Variants in MED27 observed in about 807,000 individuals in gnomAD.
MED27 encodes the protein mediator complex subunit 27.
Under a neutral mutation model 38.2 loss-of-function variants are expected in MED27, and 30 were observed. The observed-to-expected ratio is 0.79, with a 90% CI of 0.59 to 1.07. The LOEUF is 1.07. Ranked by LOEUF, MED27 falls within the 50% of genes least tolerant of loss-of-function variation. MED27 has a pLI of 0.00. For synonymous variants in MED27, 122 were observed against 153.5 expected, an observed-to-expected ratio of 0.79 and a Z score of 1.52; for missense variants, 289 against 397.5, an observed-to-expected ratio of 0.73 and a Z score of 2.32.
At chr9:132,040,182 G>A (rs772010673) in intron 2 of MED27, among the ~76,000 whole-genome samples, 10 of 152,156 alleles carry the variant, frequency 6.6e-5, no homozygotes, top group Non-Finnish European at 1.3e-4. Flanking sequence ...ATCAGTCCCC[G>A]CATATGGGCT....
intron 2 of MED27, among the ~76,000 whole-genome samples, chr9:132,031,456 G>A (rs1832958556): frequency 6.6e-6 from 1 of 152,152 alleles, no homozygotes. Context: ...TTCTAAAACA[G>A]CAGTCTAAGC....
At position 132,006,807 on chromosome 9, in the gene MED27, C is replaced by A. The variant is rs186327075; in HGVS notation, c.479+7530G>T. 1.6e-4 allele frequency among the ~76,000 whole-genome samples: 25 copies of A among 152,308 alleles called. No homozygotes were observed. The South Asian group carries it at 1.9e-3, about 11-fold the overall frequency. ...TTAAACAGCAATGACGATCACCCCC[C>A]CTTCATGCATCACTATTGCCAAAGA... On this transcript the variant is annotated intron_variant, in intron 3 of 7. Transcript: ENST00000292035.
chr9:131,876,767 C>A (rs940834233), intron 6 of MED27, among the ~76,000 whole-genome samples: 1 of 152,158 alleles, frequency 6.6e-6, no homozygotes, highest in African/African-American at 2.4e-5. Flanking sequence ...CACTAGCGGG[C>A]TCACGCACAA....
intron 4 of MED27, among the ~76,000 whole-genome samples, chr9:131,921,686 A>G (rs1209148463): frequency 6.6e-6 from 1 of 152,188 alleles, no homozygotes; most frequent in Non-Finnish European, 1.5e-5. Flanking sequence ...CATATACCCA[A>G]AGGATTATAA....
At chr9:131,887,510 A>C (rs1839160641) in intron 5 of MED27, among the ~76,000 whole-genome samples, 1 of 152,180 alleles carries the variant, frequency 6.6e-6, no homozygotes, top group African/African-American at 2.4e-5. Context: ...TATGCCAAAG[A>C]AAGCCAGAAA....
At chr9:131,881,800 C>CTTTTTCTTTTTTT (rs1839049270) in intron 6 of MED27, among the ~76,000 whole-genome samples, 1 of 60,964 alleles carries the variant, frequency 1.6e-5, no homozygotes, top group Non-Finnish European at 3.0e-5. Context: ...TCTTCTTCTT[C>CTTTTTCTTTTTTT]TTTTTTTTTT....
At chr9:132,015,045 G>A (rs1360532517) in intron 2 of MED27, among the ~76,000 whole-genome samples, 1 of 152,164 alleles carries the variant, frequency 6.6e-6, no homozygotes, top group Non-Finnish European at 1.5e-5. Context: ...AAAAACCATA[G>A]AATTTGTAGT....
At chr9:132,059,750 A>AT (rs1833659871) in intron 2 of MED27, among the ~76,000 whole-genome samples, 1 of 152,228 alleles carries the variant, frequency 6.6e-6, no homozygotes, top group Non-Finnish European at 1.5e-5. Flanking sequence ...CTGTCTGCTG[A>AT]TTTGTGATAC....
At chr9:131,981,788 CGGCGGCCAA>C (rs1362173331) in intron 3 of MED27, among the ~76,000 whole-genome samples, 3 of 152,364 alleles carry the variant, frequency 2.0e-5, no homozygotes, top group East Asian at 3.9e-4. Flanking sequence ...AGGGGGCACA[CGGCGGCCAA>C]GGAGGCAACG....
At chr9:131,912,189 G>A (rs1288454942) in intron 4 of MED27, among the ~76,000 whole-genome samples, 1 of 152,174 alleles carries the variant, frequency 6.6e-6, no homozygotes, top group Non-Finnish European at 1.5e-5. Flanking sequence ...TTCATGAAAA[G>A]GGGTCTGTGG....
Position 131,956,437 on chromosome 9 carries a change from G to A in MED27, c.480-16963C>T, listed in dbSNP as rs566108243. 1.1e-4 allele frequency among the ~76,000 whole-genome samples: 17 copies of A among 152,226 alleles called. No homozygotes were observed. The East Asian group carries it at 3.1e-3, about 28-fold the overall frequency. ...CTGAGACCAGCCTGGCCAACATGGC[G>A]AAACCCCATCTCTACTAAAAATACA... On this transcript the variant is annotated intron_variant, in intron 3 of 7. Transcript: ENST00000292035.
intron 4 of MED27, among the ~76,000 whole-genome samples, chr9:131,919,488 C>T (rs1388707493): frequency 6.6e-6 from 1 of 152,006 alleles, no homozygotes; most frequent in Non-Finnish European, 1.5e-5. Flanking sequence ...AAAGTTTGAA[C>T]TCTCAAGTCA....
At chr9:132,037,952 C>T (rs2131113891) in intron 2 of MED27, among the ~76,000 whole-genome samples, 1 of 152,222 alleles carries the variant, frequency 6.6e-6, no homozygotes, top group South Asian at 2.1e-4. Context: ...AATCTCACAT[C>T]CTAGGGTGCG....
chr9:131,924,471 G>A (rs943891819), intron 4 of MED27, among the ~76,000 whole-genome samples: 3 of 152,006 alleles, frequency 2.0e-5, no homozygotes, highest in African/African-American at 7.3e-5. Context: ...TAATTTTAGG[G>A]ATATTAGTCC....
chr9:131,933,950 T>G (rs1055470409), intron 4 of MED27, among the ~76,000 whole-genome samples: 3 of 152,066 alleles, frequency 2.0e-5, no homozygotes, highest in Non-Finnish European at 4.4e-5. Flanking sequence ...TGGAAGACAC[T>G]AGAGAGCCCA....
At chr9:131,979,731 C>G (rs1457273975) in intron 3 of MED27, among the ~76,000 whole-genome samples, 1 of 152,200 alleles carries the variant, frequency 6.6e-6, no homozygotes, top group Non-Finnish European at 1.5e-5. Flanking sequence ...AGGACATCTG[C>G]TCAGTGGCAA....
chr9:131,876,837 C>A (rs961606442), intron 6 of MED27, among the ~76,000 whole-genome samples: 3 of 152,212 alleles, frequency 2.0e-5, no homozygotes, highest in African/African-American at 7.2e-5. Flanking sequence ...CTACATGAAG[C>A]GGCCCATTTC....
At chr9:132,037,440 C>T (rs945410887) in intron 2 of MED27, among the ~76,000 whole-genome samples, 4 of 152,048 alleles carry the variant, frequency 2.6e-5, no homozygotes, top group East Asian at 1.9e-4. Context: ...GACTGCCCAA[C>T]GCGCCTACAC....
intron 4 of MED27, among the ~76,000 whole-genome samples, chr9:131,928,201 C>T (rs1037778595): frequency 2.0e-5 from 3 of 152,100 alleles, no homozygotes; most frequent in African/African-American, 4.8e-5. Flanking sequence ...AGGAAAATGC[C>T]GTCTTTCCCT....
Sources: allele counts gnomAD v4.1 joint callset (sites outside exome capture counted in the v4.1 genomes callset), GRCh38; gene constraint gnomAD v4.1.1; transcripts MANE v1.5; gene names NCBI Gene and HGNC (gene_info 2026-07-23, HGNC 2026-07-21).